The following GLYR1 variants were observed in gnomAD, a reference collection of about 807,000 sequenced individuals.
GLYR1 encodes the protein glyoxylate reductase 1 homolog.
GLYR1 carries 21 observed loss-of-function variants against 72.7 expected under a neutral mutation model. The observed-to-expected ratio is 0.29, with a 90% CI of 0.20 to 0.42. GLYR1 has a LOEUF of 0.42. Ranked by LOEUF, GLYR1 falls within the 10% of genes least tolerant of loss-of-function variation. The pLI, the probability that GLYR1 is intolerant of heterozygous loss-of-function variation, is 1.00. For missense variants in GLYR1, 594 were observed against 712.1 expected, an observed-to-expected ratio of 0.83 and a Z score of 1.89; for synonymous variants, 392 against 270.2, an observed-to-expected ratio of 1.45 and a Z score of -4.42.
intron 3 of GLYR1, among the ~76,000 whole-genome samples, chr16:4,840,654 C>A (rs2085483452): frequency 6.6e-6 from 1 of 152,202 alleles, no homozygotes; most frequent in South Asian, 2.1e-4. Context: ...AAGCCACACT[C>A]TACACAAGAG....
At chr16:4,838,340 T>TG (rs2085299319) in intron 3 of GLYR1, among the ~76,000 whole-genome samples, 3 of 152,306 alleles carry the variant, frequency 2.0e-5, no homozygotes, top group Non-Finnish European at 2.9e-5. Flanking sequence ...AAAGGACCAC[T>TG]GGTCTCTCAG....
At chr16:4,846,646 G>C (rs8050525) in intron 1 of GLYR1, 9,739 of 251,882 alleles carry the variant, frequency 0.039, 344 homozygotes, top group African/African-American at 0.096. Flanking sequence ...TGGTTCGGGC[G>C]GTTGTCTGGG....
intron 5 of GLYR1, among the ~76,000 whole-genome samples, chr16:4,829,485 C>A (rs191231890): frequency 1.3e-5 from 2 of 151,536 alleles, no homozygotes; most frequent in East Asian, 3.9e-4. Context: ...CTTTTTGTTT[C>A]TTTTTTTGTT....
chr16:4,846,856 A>G, intron 1 of GLYR1: 1 of 331,812 alleles, frequency 3.0e-6, no homozygotes, highest in Non-Finnish European at 5.6e-6. Context: ...CAGATCTCGC[A>G]GGTCCGGTCC....
In GLYR1 at chr16:4,803,343, A is replaced by C. The variant is rs1288182873; in HGVS notation, c.*1893T>G. ...TTCATTAAAAACAAAGCAAAAATAA[A>C]AATTCACAACCTTAATTACCTAGAT... On this transcript the variant is annotated 3_prime_UTR_variant, in exon 16 of 16. Transcript: ENST00000321919. 2.0e-5 allele frequency: 3 copies of C among 152,718 alleles called. No individual in the cohort carries two copies. The highest frequency in any genetic ancestry group is 2.9e-5 in the Non-Finnish European group (2 of 68,052). The allele number at this position is 152,718 out of a possible 1,614,324, so 9.5% of individuals were successfully genotyped here. A position where few individuals can be genotyped will look rare whatever the true frequency, so the allele number is the denominator to read the frequency against.
Position 4,823,806 on chromosome 16 carries a change from A to C in GLYR1, c.624+15T>G, listed in dbSNP as rs773498964. 13 of 1,608,772 alleles carry C rather than the reference A, an allele frequency of 8.1e-6. No homozygotes were observed. The highest frequency in any genetic ancestry group is 1.1e-5 in the Non-Finnish European group (13 of 1,176,618). On this transcript the variant is annotated intron_variant, in intron 6 of 15. Coordinates refer to ENST00000321919, the MANE Select transcript of GLYR1 (RefSeq NM_032569.4). ...CTAAGCCACAGCTTGTCCTGCCTGC[A>C]GGAGAGCTCCTTACCTCGCTTGCGG...
At chr16:4,819,282 G>C (rs1470492609) in intron 9 of GLYR1, among the ~76,000 whole-genome samples, 1 of 152,130 alleles carries the variant, frequency 6.6e-6, no homozygotes, top group Non-Finnish European at 1.5e-5. Flanking sequence ...CAAAGTGTTA[G>C]GATTATGGGC....
At chr16:4,821,011 G>A (rs960537148) in intron 9 of GLYR1, among the ~76,000 whole-genome samples, 3 of 152,272 alleles carry the variant, frequency 2.0e-5, no homozygotes, top group Non-Finnish European at 4.4e-5. Context: ...ACCAGCAGCA[G>A]CAGTATACCT....
chr16:4,821,310 C>T (rs2084009181), intron 9 of GLYR1, 70 bp downstream of exon 9: 1 of 1,514,312 alleles, frequency 6.6e-7, no homozygotes, highest in African/African-American at 1.4e-5. Flanking sequence ...AAAGAACCCC[C>T]CTGGGGTCAC....
intron 2 of GLYR1, among the ~76,000 whole-genome samples, chr16:4,845,837 C>G (rs2085983714): frequency 6.6e-6 from 1 of 152,212 alleles, no homozygotes; most frequent in Non-Finnish European, 1.5e-5. Flanking sequence ...CACTAACCTA[C>G]ATTTAGACTT....
Position 4,814,519 on chromosome 16 carries a change from G to A in GLYR1, c.1017+18C>T, listed in dbSNP as rs376488871. The stretch of plus-strand genomic sequence containing the variant: ...GGCTGTGACCCGGAGTTGCTGAGGG[G>A]AGGGAGGGGGTCCTTACGTCCTTGG... On this transcript the variant is annotated intron_variant, in intron 11 of 15. Coordinates refer to ENST00000321919, the MANE Select transcript of GLYR1 (RefSeq NM_032569.4). The A allele has an allele frequency of 1.1e-5, 18 of 1,597,214 alleles. No homozygotes were observed. The highest frequency in any genetic ancestry group is 1.5e-5 in the Non-Finnish European group (18 of 1,165,800).
chr16:4,832,077 C>A lies in GLYR1; in HGVS notation c.439G>T (p.Val147Leu). The part of the protein sequence containing the change: ...KKNMGEGKKR[V>L]SSGSSERGSK... The stretch of plus-strand genomic sequence containing the variant: ...CCTCTCTCTGAAGAGCCTGAAGACA[C>A]CCTCTTCTTTCCTTCTCCCATGTTC... The change falls in exon 5 of 16, where the codon GTG becomes TTG. Residue 147 changes from valine to leucine, a missense_variant. Physicochemically the swap from Val to Leu is conservative, Grantham distance 32. This residue lies in a region of GLYR1 where 252 missense variants were observed against 211.3 expected (regional missense o/e 1.19). Transcript: ENST00000321919. 1 of 1,614,192 alleles carries A rather than the reference C, an allele frequency of 6.2e-7. No homozygotes were observed.
At chr16:4,838,087 A>T (rs946366943) in intron 3 of GLYR1, among the ~76,000 whole-genome samples, 13 of 151,952 alleles carry the variant, frequency 8.6e-5, no homozygotes, top group African/African-American at 9.7e-5. Context: ...GTGCCTTTTT[A>T]AAAAAAATCC....
Position 4,805,011 on chromosome 16 carries a change from C to T in GLYR1, c.*225G>A, listed in dbSNP as rs964731656. On this transcript the variant is annotated 3_prime_UTR_variant, in exon 16 of 16. Transcript: ENST00000321919. ...TCGTCCGGGGGGCCAGTGCCCAGCT[C>T]AAGAGCTTTCCCACACGCCAATCCT... The T allele has an allele frequency of 1.7e-6, 1 of 581,834 alleles. No individual in the cohort carries two copies. Among genetic ancestry groups the T allele is most frequent in the Non-Finnish European group, 3.1e-6 (1 of 323,308 alleles). 36.0% of individuals were successfully genotyped at this position (581,834 alleles called of 1,614,324 possible). A position where few individuals can be genotyped will look rare whatever the true frequency, so the allele number is the denominator to read the frequency against.
intron 3 of GLYR1, among the ~76,000 whole-genome samples, chr16:4,835,809 C>A (rs762110925): frequency 6.6e-6 from 1 of 152,142 alleles, no homozygotes; most frequent in Non-Finnish European, 1.5e-5. Context: ...CCAGCCTGGG[C>A]AACAGAGTGA....
chr16:4,835,160 G>A (rs1201108511), intron 3 of GLYR1, among the ~76,000 whole-genome samples: 3 of 152,042 alleles, frequency 2.0e-5, no homozygotes, highest in Non-Finnish European at 2.9e-5. Flanking sequence ...AACAGACTCC[G>A]AGACTTGCTA....
chr16:4,832,324 T>A, intron 4 of GLYR1, 103 bp from the exon 5 acceptor site: 5 of 1,378,280 alleles, frequency 3.6e-6, no homozygotes, highest in Non-Finnish European at 5.0e-6. Context: ...CTCTGTGTGG[T>A]CTCCTCACAA....
At chr16:4,821,005 G>T (rs2083985100) in intron 9 of GLYR1, among the ~76,000 whole-genome samples, 2 of 152,268 alleles carry the variant, frequency 1.3e-5, no homozygotes, top group South Asian at 2.1e-4. Flanking sequence ...GCTCTGACCA[G>T]CAGCAGCAGT....
intron 3 of GLYR1, chr16:4,843,595 G>C (rs761682714): frequency 7.8e-7 from 1 of 1,289,102 alleles, no homozygotes; most frequent in Non-Finnish European, 1.0e-6. Flanking sequence ...AAATGGGGCT[G>C]GGTCTATCTG....
Sources: gnomAD v4.1 joint callset for allele counts (sites outside exome capture counted in the v4.1 genomes callset) on GRCh38, gnomAD v4.1.1 for gene constraint, gnomAD v4.1.1 regional missense constraint, MANE v1.5 for transcripts, NCBI Gene and HGNC (gene_info 2026-07-23, HGNC 2026-07-21) for gene names.